Variants in RUNX3 observed in about 807,000 individuals in gnomAD.
The protein encoded by RUNX3 is RUNX family transcription factor 3.
RUNX3 carries 10 observed loss-of-function variants against 27.7 expected under a neutral mutation model. That is an observed-to-expected ratio of 0.36 (90% confidence interval 0.22 to 0.61). RUNX3 has a LOEUF of 0.61. Among genes scored for constraint, RUNX3 ranks in the 20% least tolerant of loss-of-function variants. RUNX3 has a pLI of 0.72. For synonymous variants in RUNX3, 270 were observed against 269.2 expected (o/e 1.00, Z -0.03); for missense variants, 469 against 629.5 (o/e 0.75, Z 2.73).
At chr1:24,947,618 G>A (rs552752147) in intron 2 of RUNX3, among the ~76,000 whole-genome samples, 1 of 152,326 alleles carries the variant, frequency 6.6e-6, no homozygotes, top group South Asian at 2.1e-4. Context: ...TGCCCCAGCA[G>A]ATGGGAGGCT....
At position 24,923,854 on chromosome 1, in the gene RUNX3, C is replaced by T. The variant is rs996098515; in HGVS notation, c.439+3720G>A. Among the ~76,000 whole-genome samples the T allele has an allele frequency of 1.3e-5, 2 of 152,188 alleles. No homozygotes were observed. Among genetic ancestry groups the T allele is most frequent in the Non-Finnish European group, 2.9e-5 (2 of 68,036 alleles). ...CAGTTGCTTTTTAACCAGTTGATCA[C>T]AGCTCGAGAGCTCATGTGCTTTTCA... is the stretch of plus-strand genomic sequence containing the variant. On this transcript the variant is annotated intron_variant, in intron 2 of 4. Coordinates refer to ENST00000308873, the MANE Select transcript of RUNX3 (RefSeq NM_004350.3). The surrounding 1 kb of genome is among the most constrained non-coding windows in gnomAD (Gnocchi z 5.9).
rs149044181 is a variant in RUNX3, at chr1:24,937,947, A to G, written c.59-8095T>C. 3.5e-3 allele frequency among the ~76,000 whole-genome samples: 538 copies of G among 152,284 alleles called. 2 individuals are homozygous for G. Among genetic ancestry groups the G allele is most frequent in the African/African-American group, 0.012 (506 of 41,556 alleles). ...CCTCCCCCACAGCTCTCCATTCTAA[A>G]CATCTGGAAGTCCTTCCTTGTGTCT... is the stretch of plus-strand genomic sequence containing the variant. On this transcript the variant is annotated intron_variant, in intron 2 of 6. Transcript: ENST00000338888.
At chr1:24,936,899 C>T (rs1359822612) in intron 2 of RUNX3, among the ~76,000 whole-genome samples, 1 of 152,246 alleles carries the variant, frequency 6.6e-6, no homozygotes, top group Non-Finnish European at 1.5e-5. Flanking sequence ...CTCAGACATT[C>T]CTGCCAGCAA....
chr1:24,950,600 G>T (rs942113432), intron 2 of RUNX3, among the ~76,000 whole-genome samples: 7 of 152,216 alleles, frequency 4.6e-5, no homozygotes, highest in African/African-American at 1.7e-4. Context: ...CTCACAGGTG[G>T]CTGGGCGTGG....
intron 3 of RUNX3, among the ~76,000 whole-genome samples, chr1:24,909,521 C>T (rs184125585): frequency 1.3e-5 from 2 of 152,298 alleles, no homozygotes; most frequent in East Asian, 3.9e-4. Context: ...ACAGAAATGA[C>T]GGAGTTCCCA....
At position 24,943,151 on chromosome 1, in the gene RUNX3, G is replaced by A. The variant is rs924486942; in HGVS notation, c.59-13299C>T. Among the ~76,000 whole-genome samples, 15 of 152,264 alleles carry A rather than the reference G, an allele frequency of 9.9e-5. No individual in the cohort carries two copies. The highest frequency in any genetic ancestry group is 3.3e-4 in the Admixed American group (5 of 15,292). On this transcript the variant is annotated intron_variant, in intron 2 of 6. Transcript: ENST00000338888. This position sits in a 1 kb window ranked among gnomAD's most constrained non-coding sequence, Gnocchi z 4.6. The stretch of plus-strand genomic sequence containing the variant: ...CGGGACCAGCGCCGGGCAGACTGCC[G>A]GTTTTCCCAGGTGTGGGGACACCCT...
intron 2 of RUNX3, among the ~76,000 whole-genome samples, chr1:24,958,798 G>A (rs530722960): frequency 1.5e-4 from 23 of 152,232 alleles, no homozygotes; most frequent in Non-Finnish European, 2.8e-4. Context: ...AGTGGCTGCA[G>A]GTGTCCCAGC....
chr1:24,952,016 C>T (rs1363258068), intron 2 of RUNX3, among the ~76,000 whole-genome samples: 1 of 152,194 alleles, frequency 6.6e-6, no homozygotes, highest in Non-Finnish European at 1.5e-5. Flanking sequence ...AACACTTAGA[C>T]AGTGGCTGAC....
intron 2 of RUNX3, among the ~76,000 whole-genome samples, chr1:24,941,003 C>T (rs1290467575): frequency 1.3e-5 from 2 of 152,150 alleles, no homozygotes; most frequent in Non-Finnish European, 2.9e-5. Flanking sequence ...AGAAAAAGTT[C>T]CCCTGCCCCA....
chr1:24,931,011 CGGCGT>C (rs1477094716), upstream of RUNX3, among the ~76,000 whole-genome samples: 1 of 152,230 alleles, frequency 6.6e-6, no homozygotes, highest in Non-Finnish European at 1.5e-5. Flanking sequence ...GCAGGCCTCG[CGGCGT>C]CGTTCTTCGT....
chr1:24,916,792 G>A lies in RUNX3; in HGVS notation c.544+2448C>T, dbSNP rs1279992367. 2.0e-5 allele frequency among the ~76,000 whole-genome samples: 3 copies of A among 152,112 alleles called. No individual in the cohort carries two copies. Among genetic ancestry groups the A allele is most frequent in the South Asian group, 2.1e-4 (1 of 4,822 alleles). On this transcript the variant is annotated intron_variant, in intron 3 of 4. Coordinates refer to ENST00000308873, the MANE Select transcript of RUNX3 (RefSeq NM_004350.3). The surrounding 1 kb of genome is among the most constrained non-coding windows in gnomAD (Gnocchi z 4.8). ...TGTAAATAAAACCACTGATCCAGCC[G>A]CTGCCGGGGCCCAGAGAGGGAGGTC...
chr1:24,955,763 G>T (rs1438326104), intron 2 of RUNX3, among the ~76,000 whole-genome samples: 4 of 152,330 alleles, frequency 2.6e-5, no homozygotes, highest in Admixed American at 6.5e-5. Flanking sequence ...AAAACACTGG[G>T]GGGGAGGGTG....
At position 24,929,823 on chromosome 1, in the gene RUNX3, G is replaced by T; in HGVS notation, c.46C>A (p.Pro16Thr). 2 of 1,402,886 alleles carry T rather than the reference G, an allele frequency of 1.4e-6. No individual in the cohort carries two copies. The highest frequency in any genetic ancestry group is 2.9e-5 in the East Asian group (1 of 34,048). The allele number at this position is 1,402,886 out of a possible 1,614,324, so 86.9% of individuals were successfully genotyped here. Residue 16 changes from proline to threonine, a missense_variant, in exon 1 of 5, where the codon CCC becomes ACC. Physicochemically the swap from Pro to Thr is conservative, Grantham distance 38. Transcript: ENST00000308873. ...DPSTSRRFTPPSPAFPCGGGG... is the reference protein window; with the variant it reads ...DPSTSRRFTPTSPAFPCGGGG... Reference sequence around the variant, plus strand: ...CCGCCGCAGGGGAAGGCCGGGGAGGGAGGTGTGAAGCGGCGGCTGGTGCTT... The same window carrying T: ...CCGCCGCAGGGGAAGGCCGGGGAGGTAGGTGTGAAGCGGCGGCTGGTGCTT...
chr1:24,941,243 A>T (rs1312162453), intron 2 of RUNX3, among the ~76,000 whole-genome samples: 1 of 152,124 alleles, frequency 6.6e-6, no homozygotes, highest in Non-Finnish European at 1.5e-5. Context: ...CTCATGGCCG[A>T]CCAGTAGCCC....
At chr1:24,964,553 A>C in exon 2 of RUNX3, 1 of 1,611,706 alleles carries the variant, frequency 6.2e-7, no homozygotes, top group Middle Eastern at 1.7e-4. Flanking sequence ...AAGGAGTCGA[A>C]GATGCTGTTC....
chr1:24,908,213 CGCGGTGATCTGA>C lies in RUNX3; in HGVS notation c.545-808_545-797del, dbSNP rs1557837360. On this transcript the variant is annotated intron_variant, in intron 3 of 4. Coordinates refer to ENST00000308873, the MANE Select transcript of RUNX3 (RefSeq NM_004350.3). The stretch of plus-strand genomic sequence containing the variant: ...CGCGGTGATCCGAACCTCTACGACA[CGCGGTGATCTGA>C]ACCTCTATGACACGCGGTGATCTGA... Among the ~76,000 whole-genome samples, 99 of 147,784 alleles carry C rather than the reference CGCGGTGATCTGA, an allele frequency of 6.7e-4. 1 individual carries two copies. The highest frequency in any genetic ancestry group is 2.5e-3 in the African/African-American group (96 of 38,786).
intron 1 of RUNX3, 144 bp downstream of exon 1, chr1:24,929,443 C>T (rs1391063941): frequency 3.6e-6 from 3 of 839,324 alleles, no homozygotes; most frequent in Non-Finnish European, 5.9e-6. Context: ...GCCGAGCGCG[C>T]AGCCAGACTG....
chr1:24,951,221 A>AT (rs10660899), intron 2 of RUNX3, among the ~76,000 whole-genome samples: 4 of 150,838 alleles, frequency 2.7e-5, no homozygotes, highest in African/African-American at 9.8e-5. Flanking sequence ...AAAAAAAAAA[A>AT]AATAAGGCAG....
In RUNX3 at chr1:24,900,917, C is replaced by T. The variant is rs1317769232; in HGVS notation, c.*1205G>A. On this transcript the variant is annotated 3_prime_UTR_variant, in exon 5 of 5. Coordinates refer to ENST00000308873, the MANE Select transcript of RUNX3 (RefSeq NM_004350.3). ...GGGGCGGGGATGTTGCTTATAATCA[C>T]AGAGCTATCATAATCACGGAACTAT... The T allele has an allele frequency of 3.3e-5, 5 of 151,954 alleles. No individual in the cohort carries two copies. Among genetic ancestry groups the T allele is most frequent in the Non-Finnish European group, 7.3e-5 (5 of 68,034 alleles). The allele number at this position is 151,954 out of a possible 1,614,324, so 9.4% of individuals were successfully genotyped here. A position where few individuals can be genotyped will look rare whatever the true frequency, so the allele number is the denominator to read the frequency against.
Sources: allele counts gnomAD v4.1 joint callset (sites outside exome capture counted in the v4.1 genomes callset), GRCh38; gene constraint gnomAD v4.1.1; non-coding constraint Gnocchi (gnomAD v3.1); transcripts MANE v1.5; gene names NCBI Gene and HGNC (gene_info 2026-07-23, HGNC 2026-07-21).